Variants in MTMR3 observed in about 807,000 individuals in gnomAD.
The protein encoded by MTMR3 is myotubularin related protein 3.
In MTMR3, 32 loss-of-function variants were observed where a neutral mutation model predicts 132.4. The observed-to-expected ratio is 0.24, with a 90% CI of 0.18 to 0.32. The LOEUF (loss-of-function observed/expected upper bound fraction) is 0.32. MTMR3 is among the 10% of genes least tolerant of loss of function. MTMR3 has a pLI of 1.00. For synonymous variants in MTMR3, 556 were observed against 550.3 expected, an observed-to-expected ratio of 1.01 and a Z score of -0.14; for missense variants, 1,216 against 1,489.6, an observed-to-expected ratio of 0.82 and a Z score of 3.02.
intron 2 of MTMR3, among the ~76,000 whole-genome samples, chr22:29,965,646 C>A (rs2066400445): frequency 6.6e-6 from 1 of 152,210 alleles, no homozygotes; most frequent in African/African-American, 2.4e-5. Context: ...GATCGCACCA[C>A]TGCACTCCAG....
intron 1 of MTMR3, among the ~76,000 whole-genome samples, chr22:29,931,758 T>C (rs1602500074): frequency 6.8e-6 from 1 of 147,578 alleles, no homozygotes. Flanking sequence ...TCCGTAGTCC[T>C]CCTAGAAGGG....
At chr22:29,933,733 G>GTTTTTTTT (rs758195736) in intron 1 of MTMR3, among the ~76,000 whole-genome samples, 1 of 124,132 alleles carries the variant, frequency 8.1e-6, no homozygotes, top group Non-Finnish European at 1.7e-5. Context: ...GCAGTTCTGT[G>GTTTTTTTT]TTTTTTTTTT....
chr22:29,973,573 TTGAC>T (rs1602600978), intron 3 of MTMR3, among the ~76,000 whole-genome samples: 4 of 152,234 alleles, frequency 2.6e-5, no homozygotes, highest in Non-Finnish European at 4.4e-5. Context: ...GTAGGATTAA[TTGAC>T]TGGTCATCAG....
chr22:29,925,964 C>T (rs867276290), intron 1 of MTMR3, among the ~76,000 whole-genome samples: 6 of 152,096 alleles, frequency 3.9e-5, no homozygotes, highest in South Asian at 2.1e-4. Context: ...TGATTTTGGG[C>T]ATGTTCAGAG....
At chr22:29,977,364 C>T (rs1220094571) in intron 3 of MTMR3, among the ~76,000 whole-genome samples, 1 of 152,198 alleles carries the variant, frequency 6.6e-6, no homozygotes, top group Non-Finnish European at 1.5e-5. Context: ...ACATTTCTCT[C>T]ATGTCTTCCT....
At chr22:30,003,158 T>C in intron 9 of MTMR3, 165 bp downstream of exon 9, 3 of 572,180 alleles carry the variant, frequency 5.2e-6, no homozygotes, top group Non-Finnish European at 9.4e-6. Flanking sequence ...CAGTAACACA[T>C]CAGTACTGAC....
intron 9 of MTMR3, chr22:30,006,260 G>C (rs567084939): frequency 2.0e-5 from 3 of 152,356 alleles, no homozygotes; most frequent in Non-Finnish European, 4.4e-5. Flanking sequence ...ATATGTCAGA[G>C]TATGGTTTTC....
rs766362513 is a variant in MTMR3 at position 29,971,013 on chromosome 22, A to G, written c.-47A>G. On this transcript the variant is annotated 5_prime_UTR_variant, in exon 3 of 20. Transcript: ENST00000401950. ...GGGAAAGAAGAGAGCCTTGTTGGAC[A>G]CTGAAGAAGGGACGGGGATTTCTCC... is the stretch of plus-strand genomic sequence containing the variant. The G allele has an allele frequency of 3.3e-6, 5 of 1,495,850 alleles. No homozygotes were observed. The South Asian group carries it at 4.9e-5, about 15-fold the overall frequency. The allele number at this position is 1,495,850 out of a possible 1,614,324, so 92.7% of individuals were successfully genotyped here.
At chr22:29,957,600 G>A (rs2066225071) in intron 2 of MTMR3, among the ~76,000 whole-genome samples, 1 of 152,066 alleles carries the variant, frequency 6.6e-6, no homozygotes, top group Admixed American at 6.5e-5. Flanking sequence ...ACAGGTGTGT[G>A]CCATCAGGCC....
At chr22:29,937,586 T>G (rs2065776574) in intron 1 of MTMR3, among the ~76,000 whole-genome samples, 1 of 152,018 alleles carries the variant, frequency 6.6e-6, no homozygotes, top group Admixed American at 6.6e-5. Context: ...CACCCAAACT[T>G]TATTTGTTTT....
intron 2 of MTMR3, 25 bp from the exon 3 acceptor site, chr22:29,970,951 T>TTCCCCTCTTTC: frequency 2.9e-6 from 2 of 680,382 alleles, no homozygotes; most frequent in Non-Finnish European, 4.6e-6. Flanking sequence ...TTTTTCTTCT[T>TTCCCCTCTTTC]CCCCCTCTTC....
intron 1 of MTMR3, among the ~76,000 whole-genome samples, chr22:29,954,173 C>G (rs1216758122): frequency 6.7e-6 from 1 of 149,934 alleles, no homozygotes; most frequent in Non-Finnish European, 1.5e-5. Context: ...CCTCGGACTC[C>G]TGGGCTCAAG....
At chr22:29,955,748 C>G (rs1012970704) in intron 1 of MTMR3, among the ~76,000 whole-genome samples, 1 of 151,696 alleles carries the variant, frequency 6.6e-6, no homozygotes, top group Non-Finnish European at 1.5e-5. Flanking sequence ...ATTTTACTGA[C>G]TTTTTTTTTC....
At chr22:30,009,808 A>G (rs1404961626) in intron 12 of MTMR3, 2 of 152,222 alleles carry the variant, frequency 1.3e-5, no homozygotes, top group Admixed American at 6.5e-5. Context: ...CTGTTTTACT[A>G]TTTCAGGAAG....
chr22:30,023,572 T>A lies in MTMR3; in HGVS notation c.3425+875T>A. ...TCTTATCATTTCCCCCTCTCTGCACTTACTAGGGTGAAGCCTGGGGCCTTG... is the reference window on the plus strand; with the variant it reads ...TCTTATCATTTCCCCCTCTCTGCACATACTAGGGTGAAGCCTGGGGCCTTG... On this transcript the variant is annotated intron_variant, in intron 19 of 19. Transcript: ENST00000401950. The A allele has an allele frequency of 2.0e-6, 3 of 1,513,150 alleles. No individual in the cohort carries two copies. The South Asian group carries it at 3.4e-5, about 17-fold the overall frequency. The allele number at this position is 1,513,150 out of a possible 1,614,324, so 93.7% of individuals were successfully genotyped here.
intron 1 of MTMR3, among the ~76,000 whole-genome samples, chr22:29,906,306 A>ATCTATCTG (rs796868998): frequency 8.9e-6 from 1 of 112,368 alleles, no homozygotes; most frequent in East Asian, 2.1e-4. Flanking sequence ...CTATCTATCT[A>ATCTATCTG]TCTATCTATC....
chr22:29,906,298 A>G (rs62228018), intron 1 of MTMR3, among the ~76,000 whole-genome samples: 41 of 105,426 alleles, frequency 3.9e-4, no homozygotes, highest in African/African-American at 1.2e-3. Flanking sequence ...CTATCTATCT[A>G]TCTATCTATC....
intron 19 of MTMR3, chr22:30,025,361 T>C: frequency 1.4e-5 from 7 of 492,554 alleles, no homozygotes; most frequent in Non-Finnish European, 2.2e-5. Context: ...TGAGCAGCAT[T>C]CTTTTGTATA....
intron 1 of MTMR3, among the ~76,000 whole-genome samples, chr22:29,895,833 T>G (rs1333374302): frequency 1.3e-5 from 2 of 152,308 alleles, no homozygotes; most frequent in East Asian, 3.9e-4. Flanking sequence ...CTTTGGAGTG[T>G]CTTCTCGGTC....
Sources: gnomAD v4.1 joint callset for allele counts (sites outside exome capture counted in the v4.1 genomes callset) on GRCh38, gnomAD v4.1.1 for gene constraint, MANE v1.5 for transcripts, NCBI Gene and HGNC (gene_info 2026-07-23, HGNC 2026-07-21) for gene names.